ADAMTS6: variants seen among roughly 807,000 people sequenced by gnomAD.
ADAMTS6 encodes the protein A disintegrin and metalloproteinase with thrombospondin motifs 6.
ADAMTS6 carries 23 observed loss-of-function variants against 144.3 expected under a neutral mutation model. The observed-to-expected ratio is 0.16, with a 90% CI of 0.11 to 0.23. ADAMTS6 has a LOEUF of 0.23. Ranked by LOEUF, ADAMTS6 falls within the 10% of genes least tolerant of loss-of-function variation. The probability of loss-of-function intolerance (pLI) is 1.00; values close to 1 mark genes in which losing one functional copy is unlikely to be tolerated. For missense variants in ADAMTS6, 999 were observed against 1,379.6 expected, an observed-to-expected ratio of 0.72 and a Z score of 4.37; for synonymous variants, 444 against 457.5, an observed-to-expected ratio of 0.97 and a Z score of 0.38.
At chr5:65,168,215 T>C (rs1456446183) in intron 24 of ADAMTS6, among the ~76,000 whole-genome samples, 1 of 145,940 alleles carries the variant, frequency 6.9e-6, no homozygotes, top group Non-Finnish European at 1.5e-5. Flanking sequence ...TGTACAAAAA[T>C]CACAAGCATT....
chr5:65,404,986 G>A (rs1221775500), intron 7 of ADAMTS6, among the ~76,000 whole-genome samples: 1 of 152,136 alleles, frequency 6.6e-6, no homozygotes, highest in Non-Finnish European at 1.5e-5. Flanking sequence ...ACTTTTTGAT[G>A]GGGTTGTTTG....
chr5:65,158,186 C>A (rs1276258633), intron 24 of ADAMTS6, among the ~76,000 whole-genome samples: 1 of 152,158 alleles, frequency 6.6e-6, no homozygotes, highest in Admixed American at 6.5e-5. Flanking sequence ...GAAACCAAAG[C>A]CTTCAAATGA....
chr5:65,337,013 T>C (rs949990075), intron 7 of ADAMTS6, among the ~76,000 whole-genome samples: 3 of 152,254 alleles, frequency 2.0e-5, no homozygotes, highest in Non-Finnish European at 2.9e-5. Flanking sequence ...AGAAACAGAC[T>C]GTGGGCAGAA....
intron 9 of ADAMTS6, among the ~76,000 whole-genome samples, chr5:65,328,014 G>C (rs7737337): frequency 0.11 from 17,269 of 152,014 alleles, 1,044 homozygotes; most frequent in African/African-American, 0.16. Context: ...TTGGTTAAGG[G>C]GGGGCTTTTC....
At chr5:65,269,790 C>CTTT (rs897216515) in intron 12 of ADAMTS6, among the ~76,000 whole-genome samples, 1 of 133,208 alleles carries the variant, frequency 7.5e-6, no homozygotes, top group South Asian at 2.4e-4. Context: ...AGTGTAAGTA[C>CTTT]TTTTTTTTTT....
intron 24 of ADAMTS6, among the ~76,000 whole-genome samples, chr5:65,163,193 G>C (rs976206283): frequency 1.3e-5 from 2 of 151,614 alleles, no homozygotes; most frequent in Non-Finnish European, 2.9e-5. Flanking sequence ...TTACAGATGT[G>C]AGCCACCACA....
intron 15 of ADAMTS6, among the ~76,000 whole-genome samples, chr5:65,231,253 A>G (rs1758221659): frequency 6.6e-6 from 1 of 152,072 alleles, no homozygotes; most frequent in Non-Finnish European, 1.5e-5. Flanking sequence ...ATCAGACAAA[A>G]TAGGCTATTA....
intron 9 of ADAMTS6, among the ~76,000 whole-genome samples, chr5:65,304,593 T>C (rs534865289): frequency 2.0e-5 from 3 of 152,114 alleles, no homozygotes; most frequent in South Asian, 2.1e-4. Flanking sequence ...ACACCAAACC[T>C]GGAAAATTTT....
chr5:65,180,849 A>G (rs928918912), intron 22 of ADAMTS6, among the ~76,000 whole-genome samples: 8 of 152,150 alleles, frequency 5.3e-5, no homozygotes, highest in African/African-American at 9.7e-5. Context: ...ATAATTTCCA[A>G]TATTCTCCAG....
chr5:65,476,486 A>G (rs1217836230), intron 1 of ADAMTS6, among the ~76,000 whole-genome samples: 2 of 152,276 alleles, frequency 1.3e-5, no homozygotes, highest in Non-Finnish European at 2.9e-5. Context: ...AAAACAATAG[A>G]GCCCAGATTC....
chr5:65,362,543 A>G (rs1319857770), intron 7 of ADAMTS6, among the ~76,000 whole-genome samples: 2 of 152,244 alleles, frequency 1.3e-5, no homozygotes, highest in Non-Finnish European at 2.9e-5. Flanking sequence ...AAATAAAATT[A>G]TAAATCTAGA....
At chr5:65,395,797 G>A (rs7724794) in intron 7 of ADAMTS6, among the ~76,000 whole-genome samples, 4 of 151,882 alleles carry the variant, frequency 2.6e-5, no homozygotes, top group African/African-American at 4.8e-5. Flanking sequence ...CAAAAAAATC[G>A]TCCCAGCCAA....
intron 8 of ADAMTS6, among the ~76,000 whole-genome samples, chr5:65,329,755 C>G (rs1746534988): frequency 1.3e-5 from 2 of 152,036 alleles, no homozygotes; most frequent in Admixed American, 1.3e-4. Flanking sequence ...CTTGGGACCA[C>G]CTAGTAACTT....
At chr5:65,458,299 A>G (rs7709247) in intron 4 of ADAMTS6, among the ~76,000 whole-genome samples, 4,353 of 152,316 alleles carry the variant, frequency 0.029, 208 homozygotes, top group African/African-American at 0.098. Flanking sequence ...CAGAATGGGA[A>G]AAGTAGATTA....
At chr5:65,319,088 A>G (rs1745285516) in intron 9 of ADAMTS6, among the ~76,000 whole-genome samples, 1 of 152,174 alleles carries the variant, frequency 6.6e-6, no homozygotes, top group Non-Finnish European at 1.5e-5. Context: ...ACCATGAGGC[A>G]TATTTCAATA....
chr5:65,347,828 A>T (rs572110198), intron 7 of ADAMTS6, among the ~76,000 whole-genome samples: 4 of 152,218 alleles, frequency 2.6e-5, no homozygotes, highest in African/African-American at 9.6e-5. Flanking sequence ...ATGTACAAAG[A>T]ATCTTCTGAT....
chr5:65,458,035 T>C (rs920916627), intron 4 of ADAMTS6, among the ~76,000 whole-genome samples: 2 of 152,210 alleles, frequency 1.3e-5, no homozygotes, highest in African/African-American at 4.8e-5. Flanking sequence ...TGAATCCTAG[T>C]TTTTAAAGAA....
chr5:65,226,811 G>A (rs936330857), intron 15 of ADAMTS6, among the ~76,000 whole-genome samples: 7 of 152,094 alleles, frequency 4.6e-5, no homozygotes, highest in Admixed American at 2.0e-4. Flanking sequence ...TTGAACTCCT[G>A]ACCTCAGGTG....
intron 7 of ADAMTS6, chr5:65,416,058 A>G (rs768443889): frequency 3.7e-5 from 7 of 191,114 alleles, no homozygotes; most frequent in Non-Finnish European, 7.7e-5. Context: ...CGCCAAGGCC[A>G]ACTTCAATGA....
Sources: allele counts gnomAD v4.1 joint callset (sites outside exome capture counted in the v4.1 genomes callset), GRCh38; gene constraint gnomAD v4.1.1; transcripts MANE v1.5; gene names NCBI Gene and HGNC (gene_info 2026-07-23, HGNC 2026-07-21).